MYO18B: variants seen among roughly 807,000 people sequenced by gnomAD.
MYO18B encodes the protein unconventional myosin-XVIIIb.
In MYO18B, 204 loss-of-function variants were observed where a neutral mutation model predicts 273.0. That is an observed-to-expected ratio of 0.75 (90% CI 0.67 to 0.84). The LOEUF (loss-of-function observed/expected upper bound fraction) is 0.84. Ranked by LOEUF, MYO18B falls within the 40% of genes least tolerant of loss-of-function variation. The pLI is 0.00. For missense variants in MYO18B, 3,212 were observed against 3,287.6 expected, an observed-to-expected ratio of 0.98 and a Z score of 0.56; for synonymous variants, 1,330 against 1,305.7, an observed-to-expected ratio of 1.02 and a Z score of -0.40.
intron 34 of MYO18B, among the ~76,000 whole-genome samples, chr22:25,923,610 ACATTG>A (rs2092379813): frequency 6.6e-6 from 1 of 152,174 alleles, no homozygotes; most frequent in Non-Finnish European, 1.5e-5. Flanking sequence ...CTTTTGACTC[ACATTG>A]CGTCTTCCTG....
chr22:25,856,046 A>G (rs1287783433), intron 21 of MYO18B, among the ~76,000 whole-genome samples: 1 of 152,162 alleles, frequency 6.6e-6, no homozygotes, highest in Admixed American at 6.5e-5. Flanking sequence ...TTTTTGGGGT[A>G]TATACCCAGA....
intron 1 of MYO18B, among the ~76,000 whole-genome samples, chr22:25,759,254 T>A (rs372217133): frequency 6.6e-6 from 1 of 152,202 alleles, no homozygotes; most frequent in South Asian, 2.1e-4. Flanking sequence ...GTGGCACTAT[T>A]CACAATAGCA....
chr22:26,003,977 T>G (rs992833087), intron 41 of MYO18B, among the ~76,000 whole-genome samples: 2 of 144,028 alleles, frequency 1.4e-5, no homozygotes, highest in Non-Finnish European at 3.0e-5. Flanking sequence ...TTTTAAAAAT[T>G]TTATTGTTAT....
chr22:25,991,303 T>C (rs1362324712), intron 39 of MYO18B, among the ~76,000 whole-genome samples: 1 of 152,152 alleles, frequency 6.6e-6, no homozygotes, highest in Admixed American at 6.5e-5. Context: ...TCACCCAGGG[T>C]TTCAGACTCA....
chr22:26,047,052 G>A, the MYO18B span, among the ~76,000 whole-genome samples: 1 of 151,994 alleles, frequency 6.6e-6, no homozygotes, highest in Admixed American at 6.6e-5. Flanking sequence ...TGAAAGGGGA[G>A]GTTACAGAAC....
At chr22:25,926,215 GAAAA>G (rs112427721) in intron 34 of MYO18B, among the ~76,000 whole-genome samples, 2 of 148,566 alleles carry the variant, frequency 1.3e-5, no homozygotes, top group Non-Finnish European at 3.0e-5. Flanking sequence ...AAAAAGAAAA[GAAAA>G]AAAAAGAAAT....
At chr22:25,785,297 A>G in intron 10 of MYO18B, 131 bp from the exon 11 acceptor site, 2 of 759,156 alleles carry the variant, frequency 2.6e-6, no homozygotes, top group Non-Finnish European at 2.2e-6. Flanking sequence ...TAGTGGGGCC[A>G]AGGCCAGGGA....
rs74873200 is a variant in MYO18B at position 25,865,396 on chromosome 22, T to C, written c.3886-2924T>C. On this transcript the variant is annotated intron_variant, in intron 21 of 43. Coordinates refer to ENST00000335473, the MANE Select transcript of MYO18B (RefSeq NM_032608.7). The stretch of plus-strand genomic sequence containing the variant: ...AGAGCTGGAAAAGGAGTCTCAGTTA[T>C]GGTGGGTTGAGCATGTGCTTTGGCA... 4.6e-3 allele frequency among the ~76,000 whole-genome samples: 703 copies of C among 152,334 alleles called. 7 individuals are homozygous for C. Among genetic ancestry groups the C allele is most frequent in the African/African-American group, 0.016 (662 of 41,586 alleles).
intron 34 of MYO18B, among the ~76,000 whole-genome samples, chr22:25,924,025 T>A (rs1418936210): frequency 1.3e-5 from 2 of 152,180 alleles, no homozygotes; most frequent in African/African-American, 4.8e-5. Flanking sequence ...TGCATCCGGC[T>A]CCTATCAAAG....
intron 22 of MYO18B, 46 bp from the exon 23 acceptor site, chr22:25,874,240 A>G: frequency 6.3e-7 from 1 of 1,595,942 alleles, no homozygotes; most frequent in South Asian, 1.1e-5. Flanking sequence ...CATTGTAGAC[A>G]GCCTTCTTCA....
chr22:26,021,545 A>ATT (rs1242020277), intron 42 of MYO18B, among the ~76,000 whole-genome samples: 1 of 152,260 alleles, frequency 6.6e-6, no homozygotes, highest in Non-Finnish European at 1.5e-5. Flanking sequence ...GTCCTAAGAC[A>ATT]TTATTCTATA....
At chr22:26,035,101 C>A (rs1197088096), downstream of MYO18B, among the ~76,000 whole-genome samples, 1 of 152,202 alleles carries the variant, frequency 6.6e-6, no homozygotes, top group Admixed American at 6.5e-5. Context: ...TGATATTTTG[C>A]CAAACACCAG....
At chr22:26,003,341 C>T (rs1934147222) in intron 41 of MYO18B, 32 bp downstream of exon 41, 1 of 1,588,522 alleles carries the variant, frequency 6.3e-7, no homozygotes, top group East Asian at 2.3e-5. Flanking sequence ...CTGAGCAGCT[C>T]ACAAGGGTGA....
rs1345321098 is a variant in MYO18B, at chr22:25,760,986, CTG to C, written c.-103_-102del. ...CCCACTGTGTCCCTGTGTGTCAGTTCTGTGTCCATCTCATGTGCTGCGTGTGT... is the reference window on the plus strand; with the variant it reads ...CCCACTGTGTCCCTGTGTGTCAGTTCTGTCCATCTCATGTGCTGCGTGTGT... On this transcript the variant is annotated 5_prime_UTR_variant, in exon 2 of 44. Coordinates refer to ENST00000335473, the MANE Select transcript of MYO18B (RefSeq NM_032608.7). The C allele has an allele frequency of 8.1e-7, 1 of 1,227,768 alleles. No individual in the cohort carries two copies. Among genetic ancestry groups the C allele is most frequent in the African/African-American group, 1.5e-5 (1 of 68,004 alleles). The allele number at this position is 1,227,768 out of a possible 1,614,324, so 76.1% of individuals were successfully genotyped here.
At chr22:26,048,103 C>G in the MYO18B span, among the ~76,000 whole-genome samples, 1 of 152,184 alleles carries the variant, frequency 6.6e-6, no homozygotes, top group East Asian at 1.9e-4. Flanking sequence ...AGTCCCCACT[C>G]ACTGTTTATT....
At position 25,785,487 on chromosome 22, in the gene MYO18B, C is replaced by A; in HGVS notation, c.2372C>A (p.Ser791Tyr). The A allele has an allele frequency of 6.2e-7, 1 of 1,612,114 alleles. No homozygotes were observed. Among genetic ancestry groups the A allele is most frequent in the South Asian group, 1.1e-5 (1 of 90,398 alleles). The stretch of plus-strand genomic sequence containing the variant: ...AGCTCCTTTGGCATGGGCGTGTGGT[C>A]CAAGGTAAGGAGGAGGTCCCTCACG... Reference protein sequence around the residue: ...DSSSFGMGVWSKPEDKQKAAA... With the variant: ...DSSSFGMGVWYKPEDKQKAAA... The change falls in exon 11 of 44, where the codon TCC becomes TAC. Residue 791 changes from serine to tyrosine, a missense_variant. Transcript: ENST00000335473.
intron 39 of MYO18B, among the ~76,000 whole-genome samples, chr22:25,974,100 C>G (rs1488580873): frequency 6.6e-6 from 1 of 152,168 alleles, no homozygotes; most frequent in African/African-American, 2.4e-5. Context: ...TTAATTTACT[C>G]ACTAAACTCT....
At chr22:25,785,599 T>C (rs2087350287) in intron 11 of MYO18B, 108 bp downstream of exon 11, 3 of 1,154,312 alleles carry the variant, frequency 2.6e-6, no homozygotes, top group Admixed American at 2.0e-5. Context: ...GGGTTCATAG[T>C]TGGCAAGGGT....
chr22:25,920,268 C>T (rs1292843121), intron 33 of MYO18B, among the ~76,000 whole-genome samples: 2 of 152,194 alleles, frequency 1.3e-5, no homozygotes, highest in Admixed American at 1.3e-4. Context: ...CGTATTGTAT[C>T]GTCTGGTCTC....
Sources: allele counts gnomAD v4.1 joint callset (sites outside exome capture counted in the v4.1 genomes callset), GRCh38; gene constraint gnomAD v4.1.1; transcripts MANE v1.5; gene names NCBI Gene and HGNC (gene_info 2026-07-23, HGNC 2026-07-21).